The following ACAD11 variants were observed in gnomAD, a reference collection of about 807,000 sequenced individuals.
ACAD11 encodes the protein acyl-Coenzyme A dehydrogenase family, member 11.
Under a neutral mutation model 102.2 loss-of-function variants are expected in ACAD11, and 83 were observed. The observed-to-expected ratio is 0.81, with a 90% confidence interval of 0.68 to 0.97. The LOEUF is 0.97. Ranked by LOEUF, ACAD11 falls within the 50% of genes least tolerant of loss-of-function variation. The pLI is 0.00. For missense variants in ACAD11, 901 were observed against 951.7 expected (o/e 0.95, Z 0.70); for synonymous variants, 324 against 319.8 (o/e 1.01, Z -0.14).
intron 17 of ACAD11, among the ~76,000 whole-genome samples, chr3:132,568,801 CAAAAAAAAAAA>C (rs755568917): frequency 0.12 from 8,490 of 68,800 alleles, 330 homozygotes; most frequent in Middle Eastern, 0.23. Context: ...CATCCACAGG[CAAAAAAAAAAA>C]AAAAAAAAAA....
intron 11 of ACAD11, among the ~76,000 whole-genome samples, chr3:132,609,855 T>C (rs527386334): frequency 6.6e-6 from 1 of 152,202 alleles, no homozygotes; most frequent in South Asian, 2.1e-4. Context: ...ATATACCTGA[T>C]GAACATCGAA....
chr3:132,612,884 C>A (rs1476113516), intron 11 of ACAD11, among the ~76,000 whole-genome samples: 1 of 151,904 alleles, frequency 6.6e-6, no homozygotes, highest in Admixed American at 6.6e-5. Context: ...GGGTATATAC[C>A]CAAAGGATTA....
At position 132,631,388 on chromosome 3, in the gene ACAD11, G is replaced by A. The variant is rs375025527; in HGVS notation, c.794C>T (p.Pro265Leu). The change falls in exon 6 of 20, where the codon CCA becomes CTA. Residue 265 changes from proline (P) to leucine (L), a missense_variant. Coordinates refer to ENST00000264990, the MANE Select transcript of ACAD11 (RefSeq NM_032169.5). ...TTGATTTATCATTGGAACTGTCCTT[G>A]GCCAAAAGTAGAACAGGGAAAAATG... ...LAHFSLFYFW[P>L]RTVPMINQGS... 95 of 1,562,354 alleles carry A rather than the reference G, an allele frequency of 6.1e-5. No homozygotes were observed. Among genetic ancestry groups the A allele is most frequent in the Non-Finnish European group, 8.0e-5 (92 of 1,152,050 alleles).
chr3:132,564,573 G>C (rs975425705), intron 17 of ACAD11, among the ~76,000 whole-genome samples: 1 of 152,072 alleles, frequency 6.6e-6, no homozygotes, highest in Non-Finnish European at 1.5e-5. Context: ...TAGAGCGTGT[G>C]GGTCCCAAGT....
chr3:132,560,824 G>A (rs1448182534), intron 18 of ACAD11, among the ~76,000 whole-genome samples: 1 of 152,118 alleles, frequency 6.6e-6, no homozygotes, highest in Admixed American at 6.6e-5. Context: ...CAGAGTGGGT[G>A]CAGTTCCAGG....
intron 13 of ACAD11, among the ~76,000 whole-genome samples, chr3:132,594,741 T>C (rs1246004310): frequency 6.6e-6 from 1 of 152,072 alleles, no homozygotes; most frequent in Non-Finnish European, 1.5e-5. Context: ...GTGGGAAGAG[T>C]GCTCTAGACA....
At position 132,609,682 on chromosome 3, in the gene ACAD11, A is replaced by G. The variant is rs1939027888; in HGVS notation, c.1415-4477T>C. On this transcript the variant is annotated intron_variant, in intron 11 of 19. Coordinates refer to ENST00000264990, the MANE Select transcript of ACAD11 (RefSeq NM_032169.5). Reference sequence around the variant, plus strand: ...AAAGCCCAGGACCAGATGGTTTCACAGTCGAATTCTACCAGAGGTACAAAG... The same window carrying G: ...AAAGCCCAGGACCAGATGGTTTCACGGTCGAATTCTACCAGAGGTACAAAG... Among the ~76,000 whole-genome samples, 3 of 152,204 alleles carry G rather than the reference A, an allele frequency of 2.0e-5. No homozygotes were observed. The South Asian group carries it at 6.2e-4, about 32-fold the overall frequency.
chr3:132,558,917 G>A lies in ACAD11; in HGVS notation c.*54C>T. 1 of 1,292,872 alleles carries A rather than the reference G, an allele frequency of 7.7e-7. No homozygotes were observed. The highest frequency in any genetic ancestry group is 1.3e-5 in the South Asian group (1 of 78,666). 80.1% of individuals were successfully genotyped at this position (1,292,872 alleles called of 1,614,324 possible). On this transcript the variant is annotated 3_prime_UTR_variant, in exon 20 of 20. Transcript: ENST00000264990. Reference sequence around the variant, plus strand: ...ATGAGATTCAAATGTTGGAGCCAATGAAGTTTGTATAAAGGAGAGTTTCTG... The same window carrying A: ...ATGAGATTCAAATGTTGGAGCCAATAAAGTTTGTATAAAGGAGAGTTTCTG...
At chr3:132,613,955 G>A (rs1255777228) in intron 11 of ACAD11, among the ~76,000 whole-genome samples, 2 of 152,028 alleles carry the variant, frequency 1.3e-5, no homozygotes, top group African/African-American at 4.8e-5. Context: ...TCCTTAAGCT[G>A]ATAAGCAACT....
At chr3:132,560,985 G>C (rs986166481) in intron 18 of ACAD11, 116 bp downstream of exon 18, 2 of 753,034 alleles carry the variant, frequency 2.7e-6, no homozygotes, top group African/African-American at 3.5e-5. Flanking sequence ...AAATCACATG[G>C]GGGCTTCCAA....
At chr3:132,631,572 T>C in intron 5 of ACAD11, 93 bp from the exon 6 acceptor site, 2 of 1,036,638 alleles carry the variant, frequency 1.9e-6, no homozygotes, top group Non-Finnish European at 2.6e-6. Context: ...CAAAATCATG[T>C]TTTCCATCAA....
chr3:132,610,990 C>T (rs139605082), intron 11 of ACAD11, among the ~76,000 whole-genome samples: 375 of 152,170 alleles, frequency 2.5e-3, no homozygotes, highest in Middle Eastern at 6.8e-3. Context: ...TACTGGCAAA[C>T]GGAATCCAGC....
chr3:132,642,235 T>A, intron 3 of ACAD11, 102 bp from the exon 4 acceptor site: 2 of 1,103,606 alleles, frequency 1.8e-6, no homozygotes, highest in Non-Finnish European at 1.3e-6. Context: ...AATATTAGAG[T>A]ATACATGCCA....
intron 13 of ACAD11, among the ~76,000 whole-genome samples, chr3:132,598,808 T>C (rs760258570): frequency 2.0e-5 from 3 of 152,196 alleles, no homozygotes; most frequent in Non-Finnish European, 2.9e-5. Flanking sequence ...GCAGGAGCCA[T>C]GGATGGCACC....
At chr3:132,624,381 C>T (rs1347773106) in intron 9 of ACAD11, among the ~76,000 whole-genome samples, 17 of 150,838 alleles carry the variant, frequency 1.1e-4, no homozygotes, top group South Asian at 2.1e-4. Flanking sequence ...CTGAGGTGCG[C>T]GGATCACGAG....
At chr3:132,559,383 T>C (rs914235541) in intron 19 of ACAD11, among the ~76,000 whole-genome samples, 30 of 152,120 alleles carry the variant, frequency 2.0e-4, no homozygotes, top group African/African-American at 7.0e-4. Flanking sequence ...TATGATACTA[T>C]ATATTTAGTT....
At chr3:132,656,981 A>G (rs914780422) in intron 1 of ACAD11, among the ~76,000 whole-genome samples, 2 of 152,134 alleles carry the variant, frequency 1.3e-5, no homozygotes, top group African/African-American at 2.4e-5. Context: ...ATATGCACTG[A>G]AAATATTTTC....
At chr3:132,613,621 G>A (rs186844128) in intron 11 of ACAD11, among the ~76,000 whole-genome samples, 6 of 152,020 alleles carry the variant, frequency 3.9e-5, no homozygotes, top group Admixed American at 1.3e-4. Context: ...ATCATTGGCC[G>A]GGTGCAGTGG....
chr3:132,600,273 CAT>C (rs1938509744), intron 13 of ACAD11: 2 of 863,464 alleles, frequency 2.3e-6, no homozygotes, highest in Non-Finnish European at 3.5e-6. Context: ...TTCAGGCTCA[CAT>C]ATGTTACAGC....
Sources: allele counts gnomAD v4.1 joint callset (sites outside exome capture counted in the v4.1 genomes callset), GRCh38; gene constraint gnomAD v4.1.1; transcripts MANE v1.5; gene names NCBI Gene and HGNC (gene_info 2026-07-23, HGNC 2026-07-21).